PACS2: variants seen among roughly 807,000 people sequenced by gnomAD.
PACS2 encodes the protein phosphofurin acidic cluster sorting protein 2.
PACS2 carries 36 observed loss-of-function variants against 113.0 expected under a neutral mutation model. The observed-to-expected ratio is 0.32, with a 90% CI of 0.24 to 0.42. The LOEUF (loss-of-function observed/expected upper bound fraction) is 0.42. PACS2 is among the 10% of genes least tolerant of loss of function. The probability of loss-of-function intolerance (pLI) is 1.00; values close to 1 mark genes in which losing one functional copy is unlikely to be tolerated. For missense variants in PACS2, 1,015 were observed against 1,239.5 expected (o/e 0.82, Z 2.72); for synonymous variants, 589 against 536.1 (o/e 1.10, Z -1.36).
intron 1 of PACS2, among the ~76,000 whole-genome samples, chr14:105,325,287 A>G (rs1306002384): frequency 6.6e-6 from 1 of 151,938 alleles, no homozygotes; most frequent in African/African-American, 2.4e-5. Flanking sequence ...CAGCAAGGAG[A>G]CAGATGGGTT....
chr14:105,304,356 TG>T (rs2058118603), intron 1 of PACS2, among the ~76,000 whole-genome samples: 1 of 151,824 alleles, frequency 6.6e-6, no homozygotes, highest in Non-Finnish European at 1.5e-5. Flanking sequence ...GGTGTGATGG[TG>T]GGCGCCTGTA....
Position 105,355,266 on chromosome 14 carries a change from GGTCCAGAT to G in PACS2, c.423+96_423+103del. The G allele has an allele frequency of 1.4e-6, 2 of 1,430,954 alleles. No homozygotes were observed. The highest frequency in any genetic ancestry group is 1.9e-6 in the Non-Finnish European group (2 of 1,057,168). The allele number at this position is 1,430,954 out of a possible 1,614,324, so 88.6% of individuals were successfully genotyped here. A position where few individuals can be genotyped will look rare whatever the true frequency, so the allele number is the denominator to read the frequency against. On this transcript the variant is annotated intron_variant, in intron 4 of 24. Transcript: ENST00000447393. The surrounding 1 kb of genome is among the most constrained non-coding windows in gnomAD (Gnocchi z 4.1). Reference sequence around the variant, plus strand: ...GTGGGAGATGGAGATGTCTCTCCCGGGTCCAGATGTCCAGGGATCAGGTGAAAATGATG... The same window carrying G: ...GTGGGAGATGGAGATGTCTCTCCCGGGTCCAGGGATCAGGTGAAAATGATG...
chr14:105,302,573 CT>C lies in PACS2; in HGVS notation c.-83+1599del, dbSNP rs1462579959. Among the ~76,000 whole-genome samples, 47 of 151,816 alleles carry C rather than the reference CT, an allele frequency of 3.1e-4. No homozygotes were observed. The Admixed American group carries it at 3.1e-3, about 10-fold the overall frequency. ...CACTTAATTTGGTTCAATGTGTTCC[CT>C]TTTTCTAGTTTCTTCATTTTTTAAA... On this transcript the variant is annotated intron_variant, in intron 1 of 23. Coordinates refer to the PACS2 transcript ENST00000430725.
chr14:105,302,115 G>T (rs995264253), intron 1 of PACS2, among the ~76,000 whole-genome samples: 99 of 151,900 alleles, frequency 6.5e-4, no homozygotes, highest in African/African-American at 2.1e-3. Flanking sequence ...CTCCAGCCTG[G>T]GTGACGGGTG....
intron 1 of PACS2, among the ~76,000 whole-genome samples, chr14:105,344,291 A>C (rs2059838727): frequency 6.6e-6 from 1 of 151,410 alleles, no homozygotes; most frequent in Admixed American, 6.6e-5. Flanking sequence ...GATTTAATTA[A>C]TTAATTGATT....
intron 4 of PACS2, among the ~76,000 whole-genome samples, chr14:105,363,906 T>C (rs2060824453): frequency 6.6e-6 from 1 of 152,130 alleles, no homozygotes; most frequent in African/African-American, 2.4e-5. Flanking sequence ...CATATTATTG[T>C]GTCTCGGAAG....
intron 1 of PACS2, among the ~76,000 whole-genome samples, chr14:105,341,702 A>G (rs777454582): frequency 1.8e-3 from 270 of 152,054 alleles, no homozygotes; most frequent in Non-Finnish European, 3.2e-3. Context: ...TTTATTCCTT[A>G]TTTTATTTAT....
intron 1 of PACS2, among the ~76,000 whole-genome samples, chr14:105,327,371 C>A (rs1168244780): frequency 6.6e-6 from 1 of 152,174 alleles, no homozygotes; most frequent in Non-Finnish European, 1.5e-5. Context: ...CACTGGGGAT[C>A]GTGGGCCTGA....
chr14:105,360,951 A>G (rs1355252937), intron 4 of PACS2, among the ~76,000 whole-genome samples: 2 of 152,186 alleles, frequency 1.3e-5, no homozygotes, highest in South Asian at 2.1e-4. Flanking sequence ...TTGCTCATCC[A>G]TGAGAAGCCA....
rs1341610656 is a variant in PACS2, at chr14:105,355,570, C to G, written c.423+393C>G. On this transcript the variant is annotated intron_variant, in intron 4 of 24. Coordinates refer to ENST00000447393, the MANE Select transcript of PACS2 (RefSeq NM_001100913.3). This position sits in a 1 kb window ranked among gnomAD's most constrained non-coding sequence, Gnocchi z 4.1. ...GTGTCTGCATCCTGCTCAGCACGTG[C>G]TCTGGCCCAGGATTGGCTGAGCAGG... Among the ~76,000 whole-genome samples, 1 of 152,256 alleles carries G rather than the reference C, an allele frequency of 6.6e-6. No individual in the cohort carries two copies. The highest frequency in any genetic ancestry group is 1.5e-5 in the Non-Finnish European group (1 of 68,050).
chr14:105,368,507 AGATC>A lies in PACS2; in HGVS notation c.713_716del (p.Ser238LeufsTer2). On this transcript the variant is annotated frameshift_variant, in exon 7 of 25. Transcript: ENST00000447393. LOFTEE classifies it high-confidence loss of function. The stretch of plus-strand genomic sequence containing the variant: ...CGTGGGGAAGCCGAAGAAGCAGCGG[AGATC>A]GATTGTAAGAACGACGTCCATGACC... 6.2e-7 allele frequency: 1 copy of A among 1,614,016 alleles called. No individual in the cohort carries two copies. Among genetic ancestry groups the A allele is most frequent in the Non-Finnish European group, 8.5e-7 (1 of 1,179,948 alleles).
chr14:105,396,351 C>G lies in PACS2; in HGVS notation c.*1679C>G, dbSNP rs2081527776. Reference sequence around the variant, plus strand: ...TCCCATTGAATCCTGGCTTCAGGCTCTGCCCCGAGAAGTGTCTGCGGTGAG... The same window carrying G: ...TCCCATTGAATCCTGGCTTCAGGCTGTGCCCCGAGAAGTGTCTGCGGTGAG... On this transcript the variant is annotated 3_prime_UTR_variant, in exon 25 of 25. Transcript: ENST00000447393. 1 of 152,386 alleles carries G rather than the reference C, an allele frequency of 6.6e-6. No individual in the cohort carries two copies. The highest frequency in any genetic ancestry group is 1.5e-5 in the Non-Finnish European group (1 of 68,170). 9.4% of individuals were successfully genotyped at this position (152,386 alleles called of 1,614,324 possible).
chr14:105,317,270 C>G lies in PACS2; in HGVS notation c.119+2233C>G, dbSNP rs1388595169. Among the ~76,000 whole-genome samples the G allele has an allele frequency of 6.6e-6, 1 of 152,120 alleles. No homozygotes were observed. Among genetic ancestry groups the G allele is most frequent in the Non-Finnish European group, 1.5e-5 (1 of 68,038 alleles). The stretch of plus-strand genomic sequence containing the variant: ...TTCCAGTTTTTTGGTTAATTACAAG[C>G]CCCGTGCTGCTGTGGACATCGTGTG... On this transcript the variant is annotated intron_variant, in intron 1 of 24. Transcript: ENST00000447393. The surrounding 1 kb of genome is among the most constrained non-coding windows in gnomAD (Gnocchi z 4.2).
upstream of PACS2, chr14:105,314,671 GGCGCCGGGCGC>G (rs1285294188): frequency 1.4e-5 from 2 of 143,044 alleles, no homozygotes; most frequent in Non-Finnish European, 3.1e-5. Flanking sequence ...CGGGTCGGAG[GGCGCCGGGCGC>G]GCGCGGGGCG....
chr14:105,314,549 C>G (rs1259791355), upstream of PACS2: 1 of 146,384 alleles, frequency 6.8e-6, no homozygotes, highest in Non-Finnish European at 1.5e-5. Context: ...CCCCGTGAGG[C>G]GCCGCCGGAG....
In PACS2 at chr14:105,365,400, C is replaced by T. The variant is rs2060910049; in HGVS notation, c.424-1813C>T. The stretch of plus-strand genomic sequence containing the variant: ...ATCAAAATAGTGTTCACATATAGGT[C>T]GACCACAGGCTGAGTGGAGCGGGGG... On this transcript the variant is annotated intron_variant, in intron 4 of 24. Coordinates refer to ENST00000447393, the MANE Select transcript of PACS2 (RefSeq NM_001100913.3). The surrounding 1 kb of genome is among the most constrained non-coding windows in gnomAD (Gnocchi z 5.1). Among the ~76,000 whole-genome samples the T allele has an allele frequency of 6.6e-6, 1 of 152,092 alleles. No individual in the cohort carries two copies. Among genetic ancestry groups the T allele is most frequent in the Admixed American group, 6.5e-5 (1 of 15,280 alleles).
chr14:105,381,267 C>T (rs1478702408), intron 12 of PACS2, among the ~76,000 whole-genome samples, 168 bp downstream of exon 12: 1 of 152,222 alleles, frequency 6.6e-6, no homozygotes, highest in Non-Finnish European at 1.5e-5. Flanking sequence ...AGCAAACCCC[C>T]TGGCCCGGCA....
chr14:105,362,838 G>A lies in PACS2; in HGVS notation c.424-4375G>A, dbSNP rs376604675. ...TGCACTCCAGCCTGGGCAACAGAGC[G>A]AAACTCCAACTCAAATAATAATAAG... On this transcript the variant is annotated intron_variant, in intron 4 of 24. Transcript: ENST00000447393. Among the ~76,000 whole-genome samples, 13 of 152,278 alleles carry A rather than the reference G, an allele frequency of 8.5e-5. 1 individual carries two copies. In the South Asian group the frequency reaches 1.9e-3, roughly 22 times the overall value.
chr14:105,396,751 C>T lies in PACS2; in HGVS notation c.*2079C>T, dbSNP rs1555416928. The T allele has an allele frequency of 6.6e-6, 1 of 152,324 alleles. No individual in the cohort carries two copies. The highest frequency in any genetic ancestry group is 2.4e-5 in the African/African-American group (1 of 41,428). The allele number at this position is 152,324 out of a possible 1,614,324, so 9.4% of individuals were successfully genotyped here. A position where few individuals can be genotyped will look rare whatever the true frequency, so the allele number is the denominator to read the frequency against. On this transcript the variant is annotated 3_prime_UTR_variant, in exon 25 of 25. Coordinates refer to ENST00000447393, the MANE Select transcript of PACS2 (RefSeq NM_001100913.3). ...CTCCTGACCTCAAGTGATCCACCCGCCTCGGCCTCCCAAAGTGCTGGGATT... is the reference window on the plus strand; with the variant it reads ...CTCCTGACCTCAAGTGATCCACCCGTCTCGGCCTCCCAAAGTGCTGGGATT...
Sources: allele counts gnomAD v4.1 joint callset (sites outside exome capture counted in the v4.1 genomes callset), GRCh38; gene constraint gnomAD v4.1.1; non-coding constraint Gnocchi (gnomAD v3.1); transcripts MANE v1.5; gene names NCBI Gene and HGNC (gene_info 2026-07-23, HGNC 2026-07-21).